SBF2: variants seen among roughly 807,000 people sequenced by gnomAD.
SBF2 encodes the protein SET binding factor 2, also known as myotubularin-related protein 13.
In SBF2, 112 loss-of-function variants were observed where a neutral mutation model predicts 225.2. The observed-to-expected ratio is 0.50, with a 90% confidence interval of 0.43 to 0.58. SBF2 has a LOEUF of 0.58. SBF2 is among the 20% of genes least tolerant of loss of function. The pLI is 0.00. For synonymous variants in SBF2, 763 were observed against 773.3 expected (o/e 0.99, Z 0.22); for missense variants, 1,996 against 2,206.2 (o/e 0.90, Z 1.91).
At chr11:9,946,255 C>T (rs1865555379) in intron 16 of SBF2, among the ~76,000 whole-genome samples, 1 of 152,040 alleles carries the variant, frequency 6.6e-6, no homozygotes, top group Non-Finnish European at 1.5e-5. Context: ...AGCAGCCATA[C>T]AAAAATGAAA....
intron 3 of SBF2, among the ~76,000 whole-genome samples, chr11:10,035,913 G>A (rs1391348692): frequency 1.3e-5 from 2 of 152,126 alleles, no homozygotes; most frequent in African/African-American, 4.8e-5. Flanking sequence ...ATTACTGGGT[G>A]TATACCCAAA....
intron 2 of SBF2, among the ~76,000 whole-genome samples, chr11:10,181,287 C>CA (rs1956725023): frequency 6.6e-6 from 1 of 152,020 alleles, no homozygotes; most frequent in Non-Finnish European, 1.5e-5. Context: ...TAAGTAGCTA[C>CA]ATAACACTGA....
At chr11:9,996,233 T>G (rs1947695052) in intron 9 of SBF2, among the ~76,000 whole-genome samples, 1 of 152,202 alleles carries the variant, frequency 6.6e-6, no homozygotes, top group Non-Finnish European at 1.5e-5. Flanking sequence ...TAACCACACA[T>G]AAGATTTAAT....
At chr11:9,934,997 G>A (rs1864784137) in intron 16 of SBF2, among the ~76,000 whole-genome samples, 1 of 152,132 alleles carries the variant, frequency 6.6e-6, no homozygotes, top group African/African-American at 2.4e-5. Flanking sequence ...ATTAAATTAG[G>A]AAAAGAGGAA....
At chr11:10,093,257 C>G (rs937309689) in intron 2 of SBF2, among the ~76,000 whole-genome samples, 1 of 151,728 alleles carries the variant, frequency 6.6e-6, no homozygotes, top group Admixed American at 6.6e-5. Context: ...TCAAGTGATC[C>G]ACCAGCCTCA....
chr11:10,294,106 C>T lies in SBF2; in HGVS notation c.-37G>A. The T allele has an allele frequency of 7.7e-7, 1 of 1,306,792 alleles. No homozygotes were observed. Among genetic ancestry groups the T allele is most frequent in the South Asian group, 2.3e-5 (1 of 44,072 alleles). The allele number at this position is 1,306,792 out of a possible 1,614,324, so 80.9% of individuals were successfully genotyped here. On this transcript the variant is annotated 5_prime_UTR_variant, in exon 1 of 40. Coordinates refer to ENST00000256190, the MANE Select transcript of SBF2 (RefSeq NM_030962.4). ...CCGCGCTCGGGAAGCGGGTCCCCGT[C>T]GCCGCCCTCGCCGCCGCCGCCCACC...
At chr11:10,304,224 C>G (rs1275413178) in intron 1 of SBF2, among the ~76,000 whole-genome samples, 1 of 152,162 alleles carries the variant, frequency 6.6e-6, no homozygotes, top group Non-Finnish European at 1.5e-5. Context: ...GATTAGCATA[C>G]GTGAAGCGTT....
intron 2 of SBF2, among the ~76,000 whole-genome samples, chr11:10,054,642 A>C (rs577010691): frequency 1.4e-4 from 21 of 152,340 alleles, no homozygotes; most frequent in African/African-American, 5.0e-4. Flanking sequence ...ATGGGAGGAA[A>C]ATATTGTTAA....
At chr11:10,163,754 C>A (rs1421161252) in intron 2 of SBF2, among the ~76,000 whole-genome samples, 2 of 152,000 alleles carry the variant, frequency 1.3e-5, no homozygotes, top group African/African-American at 4.8e-5. Flanking sequence ...ACATAGAGTG[C>A]TTAAAATGGT....
intron 2 of SBF2, among the ~76,000 whole-genome samples, chr11:10,144,316 T>C (rs1194928389): frequency 6.6e-6 from 1 of 151,988 alleles, no homozygotes; most frequent in Non-Finnish European, 1.5e-5. Flanking sequence ...GGTAAAACAC[T>C]GTCTCTACAA....
Position 9,785,314 on chromosome 11 carries a change from T to C in SBF2, c.5042A>G (p.Gln1681Arg). 6.2e-7 allele frequency: 1 copy of C among 1,614,006 alleles called. No homozygotes were observed. The highest frequency in any genetic ancestry group is 8.5e-7 in the Non-Finnish European group (1 of 1,179,892). The change falls in exon 37 of 40, where the codon CAA (glutamine) becomes CGA (arginine). Residue 1681 changes from glutamine to arginine, a missense_variant. Gln to Arg is a conservative substitution (Grantham distance 43, BLOSUM62 1). Coordinates refer to ENST00000256190, the MANE Select transcript of SBF2 (RefSeq NM_030962.4). Reference sequence around the variant, plus strand: ...TCCTGGGGATCTCGACAGGTGTCTTTGGGACTGAAAAAGACAGGACAGGAG... The same window carrying C: ...TCCTGGGGATCTCGACAGGTGTCTTCGGGACTGAAAAAGACAGGACAGGAG... Reference protein sequence around the residue: ...LKEEPRTDRSQRHLSRSPGIV... With the variant: ...LKEEPRTDRSRRHLSRSPGIV...
At chr11:9,790,938 A>G in intron 33 of SBF2, 2 of 366,358 alleles carry the variant, frequency 5.5e-6, no homozygotes, top group Non-Finnish European at 1.0e-5. Context: ...ATCAATCATG[A>G]CTCTTCCAAC....
At position 10,029,776 on chromosome 11, in the gene SBF2, C is replaced by T. The variant is rs1337461250; in HGVS notation, c.502G>A (p.Gly168Arg). 2 of 1,610,974 alleles carry T rather than the reference C, an allele frequency of 1.2e-6. No homozygotes were observed. ...TCTATTCTATTTACCTGAGACCCTC[C>T]AGCCGCTGGGACAAGGCAGGCACAA... ...NLCACLVPAA[G>R]GSQKLFSLGA... The change falls in exon 5 of 40, where the codon GGA (glycine) becomes AGA (arginine). Residue 168 changes from glycine (G) to arginine (R), a missense_variant. Physicochemically the swap from Gly to Arg is moderately radical, Grantham distance 125. Transcript: ENST00000256190.
Position 10,195,929 on chromosome 11 carries a change from C to T in SBF2, c.56-1942G>A, listed in dbSNP as rs375991792. 3.9e-5 allele frequency among the ~76,000 whole-genome samples: 6 copies of T among 152,256 alleles called. No homozygotes were observed. In the South Asian group the frequency reaches 6.2e-4, roughly 16 times the overall value. ...AATCCACCTCAAGCATCATCACTTA[C>T]GACATCCCAAGCAGGGTTAATGAAA... is the stretch of plus-strand genomic sequence containing the variant. On this transcript the variant is annotated intron_variant, in intron 1 of 39. Transcript: ENST00000256190.
Position 10,111,739 on chromosome 11 carries a change from C to T in SBF2, c.142-68758G>A, listed in dbSNP as rs113654347. Among the ~76,000 whole-genome samples the T allele has an allele frequency of 4.7e-3, 710 of 152,206 alleles. 8 individuals are homozygous for T. The highest frequency in any genetic ancestry group is 0.016 in the African/African-American group (668 of 41,536). ...AAAAATATGAAAAATTAGCTGGGCG[C>T]GGTGGCGCACGCCTGTAATCCCAGC... On this transcript the variant is annotated intron_variant, in intron 2 of 39. Transcript: ENST00000256190.
chr11:10,208,410 A>T (rs1957817131), intron 1 of SBF2, among the ~76,000 whole-genome samples: 1 of 152,112 alleles, frequency 6.6e-6, no homozygotes. Flanking sequence ...CTTCATAAAC[A>T]CCTTCATTTT....
At chr11:9,805,254 A>G (rs531008963) in intron 32 of SBF2, among the ~76,000 whole-genome samples, 171 of 151,980 alleles carry the variant, frequency 1.1e-3, no homozygotes, top group African/African-American at 4.1e-3. Context: ...TCAAAAAAAA[A>G]AAAAAATTAT....
intron 32 of SBF2, among the ~76,000 whole-genome samples, chr11:9,796,595 C>T (rs1244488594): frequency 6.6e-6 from 1 of 152,080 alleles, no homozygotes; most frequent in Non-Finnish European, 1.5e-5. Flanking sequence ...GTAGAGAAAA[C>T]AAATTTTAGA....
At chr11:10,056,971 G>A (rs549635775) in intron 2 of SBF2, among the ~76,000 whole-genome samples, 1 of 151,958 alleles carries the variant, frequency 6.6e-6, no homozygotes, top group Non-Finnish European at 1.5e-5. Context: ...CACTGGGTGG[G>A]ACCTCCCAAA....
Sources: gnomAD v4.1 joint callset for allele counts (sites outside exome capture counted in the v4.1 genomes callset) on GRCh38, gnomAD v4.1.1 for gene constraint, MANE v1.5 for transcripts, NCBI Gene and HGNC (gene_info 2026-07-23, HGNC 2026-07-21) for gene names.